OLAH: variants seen among roughly 807,000 people sequenced by gnomAD.
OLAH encodes oleoyl-ACP hydrolase, also known as S-acyl fatty acid synthase thioesterase, medium chain.
In OLAH, 33 loss-of-function variants were observed where a neutral mutation model predicts 27.8. The ratio of observed to expected loss-of-function variants is 1.19; its 90% confidence interval spans 0.90 to 1.59. The LOEUF (loss-of-function observed/expected upper bound fraction) is 1.59. Ranked by LOEUF, OLAH falls within the 40% of genes most tolerant of loss-of-function variation. The pLI is 0.00. For missense variants in OLAH, 359 were observed against 310.8 expected, an observed-to-expected ratio of 1.16 and a Z score of -1.17; for synonymous variants, 120 against 102.9, an observed-to-expected ratio of 1.17 and a Z score of -1.01.
intron 4 of OLAH, among the ~76,000 whole-genome samples, chr10:15,064,160 T>C (rs1326204): frequency 0.078 from 11,891 of 152,208 alleles, 565 homozygotes; most frequent in Admixed American, 0.15. Flanking sequence ...GAAATTTAAA[T>C]TAATTTGAAG....
At chr10:15,049,100 CTTTTTT>C (rs752500462) in intron 2 of OLAH, among the ~76,000 whole-genome samples, 2 of 55,348 alleles carry the variant, frequency 3.6e-5, no homozygotes, top group Admixed American at 2.6e-4. Flanking sequence ...GAGACTATGT[CTTTTTT>C]TTTTTTTTTT....
At chr10:15,071,983 G>A in intron 7 of OLAH, 106 bp downstream of exon 7, 2 of 749,412 alleles carry the variant, frequency 2.7e-6, no homozygotes, top group South Asian at 3.3e-5. Context: ...ACCCAGGCTG[G>A]AGTGCAATGG....
chr10:15,050,111 T>C (rs1361960471), intron 3 of OLAH, among the ~76,000 whole-genome samples: 1 of 152,208 alleles, frequency 6.6e-6, no homozygotes, highest in Non-Finnish European at 1.5e-5. Context: ...TTCGAATTAA[T>C]ACAGAGTCTA....
chr10:15,059,473 C>T (rs1378873891), intron 3 of OLAH, among the ~76,000 whole-genome samples: 1 of 151,856 alleles, frequency 6.6e-6, no homozygotes, highest in African/African-American at 2.4e-5. Flanking sequence ...AGGCATGAGC[C>T]ACCGCACCTG....
intron 1 of OLAH, 52 bp downstream of exon 1, chr10:15,044,038 C>T (rs1288764111): frequency 6.6e-6 from 1 of 152,158 alleles, no homozygotes; most frequent in Non-Finnish European, 1.5e-5. Context: ...AATACCTTCT[C>T]AGATATGTCT....
At position 15,061,822 on chromosome 10, in the gene OLAH, C is replaced by A. The variant is rs1844370876; in HGVS notation, c.262C>A (p.Pro88Thr). 4 of 1,613,972 alleles carry A rather than the reference C, an allele frequency of 2.5e-6. No homozygotes were observed. The highest frequency in any genetic ancestry group is 3.4e-6 in the Non-Finnish European group (4 of 1,179,954). ...LVDEVVCALQ[P>T]VIQDKPFAFF... ...TGATGAAGTTGTTTGTGCTCTGCAG[C>A]CAGTCATCCAGGATAAACCATTTGC... Residue 88 changes from proline (P) to threonine (T), a missense_variant, in exon 4 of 8, where the codon CCA becomes ACA. By Grantham distance (38) the Pro-to-Thr change is conservative (BLOSUM62 -1). Coordinates refer to ENST00000378228, the MANE Select transcript of OLAH (RefSeq NM_001039702.3).
At chr10:15,055,118 C>T (rs1844221700) in intron 3 of OLAH, among the ~76,000 whole-genome samples, 1 of 152,142 alleles carries the variant, frequency 6.6e-6, no homozygotes, top group African/African-American at 2.4e-5. Context: ...GCACATGCCA[C>T]CACGCCCGGC....
At chr10:15,053,255 A>G (rs1480906940) in intron 3 of OLAH, among the ~76,000 whole-genome samples, 1 of 152,132 alleles carries the variant, frequency 6.6e-6, no homozygotes, top group Non-Finnish European at 1.5e-5. Flanking sequence ...TTGTTAAACC[A>G]TCTATCTAAA....
At chr10:15,071,921 T>C in intron 7 of OLAH, 44 bp downstream of exon 7, 11 of 1,459,896 alleles carry the variant, frequency 7.5e-6, no homozygotes, top group Non-Finnish European at 1.0e-5. Flanking sequence ...AAATATATGT[T>C]TGATGGCTTT....
At chr10:15,059,582 G>A (rs936793158) in intron 3 of OLAH, among the ~76,000 whole-genome samples, 1 of 152,052 alleles carries the variant, frequency 6.6e-6, no homozygotes, top group Admixed American at 6.6e-5. Flanking sequence ...AGGGTGGGCA[G>A]ATCACTTGAG....
chr10:15,071,780 C>G lies in OLAH; in HGVS notation c.573-15C>G. 2 of 1,595,838 alleles carry G rather than the reference C, an allele frequency of 1.3e-6. No homozygotes were observed. The highest frequency in any genetic ancestry group is 1.7e-6 in the Non-Finnish European group (2 of 1,167,460). ...GATTTCAAACAATTACTAACCAGCT[C>G]TTTTATGTTTATAGCTCTAACGTAC... On this transcript the variant is annotated splice_polypyrimidine_tract_variant and intron_variant, in intron 6 of 7. Transcript: ENST00000378228.
intron 3 of OLAH, among the ~76,000 whole-genome samples, chr10:15,053,330 G>A (rs748902231): frequency 6.6e-6 from 1 of 152,176 alleles, no homozygotes; most frequent in Non-Finnish European, 1.5e-5. Flanking sequence ...CACACTGAAA[G>A]TTGGCAATCA....
chr10:15,057,841 C>G (rs578077554), intron 3 of OLAH, among the ~76,000 whole-genome samples: 1 of 152,210 alleles, frequency 6.6e-6, no homozygotes, highest in Admixed American at 6.5e-5. Context: ...ATGTGTAGGT[C>G]TATTTCTGGA....
intron 3 of OLAH, among the ~76,000 whole-genome samples, chr10:15,051,099 G>C (rs1844132708): frequency 7.4e-6 from 1 of 134,538 alleles, no homozygotes; most frequent in African/African-American, 2.9e-5. Context: ...TTTTTGAGAT[G>C]GAGTCTTGCT....
At chr10:15,071,001 C>G (rs1426337514) in intron 6 of OLAH, among the ~76,000 whole-genome samples, 1 of 152,004 alleles carries the variant, frequency 6.6e-6, no homozygotes, top group Non-Finnish European at 1.5e-5. Flanking sequence ...CCAGGCTGGT[C>G]TCAAACTCCT....
upstream of OLAH, among the ~76,000 whole-genome samples, chr10:15,043,124 T>C (rs1286928636): frequency 1.3e-5 from 2 of 152,122 alleles, no homozygotes; most frequent in Admixed American, 6.6e-5. Flanking sequence ...CCTCCCAAAG[T>C]GCTGGGATTA....
chr10:15,062,741 CT>C (rs773373248), intron 4 of OLAH, among the ~76,000 whole-genome samples: 295 of 140,054 alleles, frequency 2.1e-3, no homozygotes, highest in Middle Eastern at 3.6e-3. Flanking sequence ...AGTGAACATT[CT>C]TTTTTTTTTT....
chr10:15,054,641 A>T, intron 3 of OLAH, among the ~76,000 whole-genome samples: 1 of 151,918 alleles, frequency 6.6e-6, no homozygotes, highest in East Asian at 1.9e-4. Flanking sequence ...CCCTTCCATG[A>T]CTACTACTTT....
upstream of OLAH, among the ~76,000 whole-genome samples, chr10:15,042,175 G>C (rs1843931415): frequency 1.3e-5 from 2 of 151,820 alleles, no homozygotes; most frequent in African/African-American, 4.8e-5. Flanking sequence ...TTTTGAGACA[G>C]AGTTTTGCTC....
Sources: gnomAD v4.1 joint callset for allele counts (sites outside exome capture counted in the v4.1 genomes callset) on GRCh38, gnomAD v4.1.1 for gene constraint, MANE v1.5 for transcripts, NCBI Gene and HGNC (gene_info 2026-07-23, HGNC 2026-07-21) for gene names.